Variants in RBFOX1 observed in about 807,000 individuals in gnomAD.
RBFOX1 encodes RNA binding fox-1 homolog 1, also known as RNA binding protein fox-1 homolog 1.
A neutral mutation model predicts 57.7 loss-of-function variants in RBFOX1; 8 were observed. The ratio of observed to expected loss-of-function variants is 0.14; its 90% confidence interval spans 0.08 to 0.25. The LOEUF (loss-of-function observed/expected upper bound fraction) is 0.25, where lower values mean the gene tolerates loss of function less well. Ranked by LOEUF, RBFOX1 falls within the 10% of genes least tolerant of loss-of-function variation. The pLI, the probability that RBFOX1 is intolerant of heterozygous loss-of-function variation, is 1.00. For synonymous variants in RBFOX1, 326 were observed against 222.4 expected (o/e 1.47, Z -4.15); for missense variants, 611 against 548.5 (o/e 1.11, Z -1.14).
chr16:6,482,707 G>C (rs555573421), intron 2 of RBFOX1, among the ~76,000 whole-genome samples: 1 of 152,292 alleles, frequency 6.6e-6, no homozygotes, highest in East Asian at 1.9e-4. Context: ...CTGCTTCTCG[G>C]AGATGAAATA....
intron 4 of RBFOX1, among the ~76,000 whole-genome samples, chr16:7,138,532 C>G (rs903543452): frequency 6.6e-6 from 1 of 152,188 alleles, no homozygotes; most frequent in Non-Finnish European, 1.5e-5. Flanking sequence ...ATAAGAAGCA[C>G]AGTTTTGTGT....
At chr16:6,524,548 G>T (rs1212257037) in intron 2 of RBFOX1, among the ~76,000 whole-genome samples, 1 of 152,186 alleles carries the variant, frequency 6.6e-6, no homozygotes, top group Non-Finnish European at 1.5e-5. Flanking sequence ...GGTACCACAA[G>T]GTTGTGGGCA....
intron 4 of RBFOX1, among the ~76,000 whole-genome samples, chr16:7,260,218 G>A (rs532343583): frequency 1.3e-5 from 2 of 152,302 alleles, no homozygotes; most frequent in South Asian, 2.1e-4. Flanking sequence ...CGTAATTAAA[G>A]TTGTTGCATA....
intron 4 of RBFOX1, among the ~76,000 whole-genome samples, chr16:7,305,048 A>T (rs1180204109): frequency 6.7e-6 from 1 of 150,014 alleles, no homozygotes; most frequent in Non-Finnish European, 1.5e-5. Flanking sequence ...TCTGCCTTCA[A>T]ACTCACTGGC....
chr16:7,710,525 G>C (rs1274953096), intron 15 of RBFOX1, 98 bp from the exon 16 acceptor site: 4 of 1,576,620 alleles, frequency 2.5e-6, no homozygotes, highest in Non-Finnish European at 8.6e-7. Flanking sequence ...CATTTCGGTT[G>C]GTTTTGAGTG....
intron 4 of RBFOX1, among the ~76,000 whole-genome samples, chr16:7,507,240 A>G (rs530478868): frequency 3.3e-5 from 5 of 152,162 alleles, no homozygotes; most frequent in East Asian, 1.9e-4. Flanking sequence ...ACCCCAATTC[A>G]TAAAAGATTT....
intron 10 of RBFOX1, among the ~76,000 whole-genome samples, chr16:7,612,277 C>T (rs1000342025): frequency 1.1e-4 from 16 of 147,052 alleles, no homozygotes; most frequent in Admixed American, 4.8e-4. Flanking sequence ...GCCCAGATCG[C>T]GCCACTGCAC....
intron 4 of RBFOX1, among the ~76,000 whole-genome samples, chr16:7,289,971 G>A (rs963432249): frequency 2.0e-5 from 3 of 152,144 alleles, no homozygotes; most frequent in Non-Finnish European, 4.4e-5. Context: ...GATAAACTCT[G>A]TGGCCCCAGA....
chr16:5,844,378 C>G (rs910041710), intron 3 of RBFOX1, among the ~76,000 whole-genome samples: 1 of 152,188 alleles, frequency 6.6e-6, no homozygotes, highest in Non-Finnish European at 1.5e-5. Context: ...GGAATAAAGT[C>G]TCCCATCCCA....
At chr16:6,771,742 G>A (rs2078332543) in intron 3 of RBFOX1, among the ~76,000 whole-genome samples, 1 of 152,188 alleles carries the variant, frequency 6.6e-6, no homozygotes, top group Admixed American at 6.5e-5. Flanking sequence ...GGCCAGGGAT[G>A]CTGTTTAACA....
intron 4 of RBFOX1, among the ~76,000 whole-genome samples, chr16:5,885,651 C>T (rs1450589638): frequency 2.6e-5 from 4 of 152,218 alleles, no homozygotes; most frequent in East Asian, 1.9e-4. Context: ...TCAGAATTTC[C>T]GCTATGCTAA....
chr16:6,192,338 C>A (rs1424024844), intron 1 of RBFOX1, among the ~76,000 whole-genome samples: 1 of 152,048 alleles, frequency 6.6e-6, no homozygotes, highest in Non-Finnish European at 1.5e-5. Context: ...TAGAGATGGG[C>A]TTGGCATTTT....
intron 6 of RBFOX1, among the ~76,000 whole-genome samples, chr16:7,581,162 A>G (rs549121933): frequency 1.3e-5 from 2 of 152,314 alleles, no homozygotes; most frequent in South Asian, 2.1e-4. Context: ...GAAGATACCC[A>G]GCTTTGAATG....
intron 10 of RBFOX1, chr16:7,614,811 C>T (rs2058156603): frequency 6.6e-6 from 1 of 152,210 alleles, no homozygotes; most frequent in Non-Finnish European, 1.5e-5. Context: ...TATGAAAATG[C>T]TATCCCATTA....
chr16:6,059,571 C>T (rs11866826), intron 1 of RBFOX1, among the ~76,000 whole-genome samples: 30 of 151,982 alleles, frequency 2.0e-4, no homozygotes, highest in African/African-American at 6.5e-4. Context: ...AGTTCATTTT[C>T]GTCTATAGGG....
chr16:7,171,898 A>G (rs907219106), intron 4 of RBFOX1, among the ~76,000 whole-genome samples: 5 of 152,210 alleles, frequency 3.3e-5, no homozygotes, highest in African/African-American at 1.2e-4. Flanking sequence ...AGTACCACTT[A>G]AGAGAGGATA....
chr16:5,340,442 T>A (rs1453276812), intron 1 of RBFOX1, among the ~76,000 whole-genome samples: 1 of 152,222 alleles, frequency 6.6e-6, no homozygotes, highest in Non-Finnish European at 1.5e-5. Context: ...TAGCAAGAAA[T>A]AATTCTATGA....
chr16:6,387,339 G>GC (rs1444754694), intron 2 of RBFOX1, among the ~76,000 whole-genome samples: 4 of 152,164 alleles, frequency 2.6e-5, no homozygotes, highest in Non-Finnish European at 4.4e-5. Context: ...AGAGCACTCA[G>GC]CGCCTGCTGT....
intron 14 of RBFOX1, among the ~76,000 whole-genome samples, chr16:7,679,864 C>G (rs895329303): frequency 5.3e-5 from 8 of 152,056 alleles, no homozygotes; most frequent in African/African-American, 1.9e-4. Flanking sequence ...CCTGACTGGA[C>G]TAGGTAATTT....
Sources: allele counts gnomAD v4.1 joint callset (sites outside exome capture counted in the v4.1 genomes callset), GRCh38; gene constraint gnomAD v4.1.1; transcripts MANE v1.5; gene names NCBI Gene and HGNC (gene_info 2026-07-23, HGNC 2026-07-21).